Variants in CLOCK observed in about 807,000 individuals in gnomAD.
The protein encoded by CLOCK is circadian locomoter output cycles protein kaput.
CLOCK carries 43 observed loss-of-function variants against 118.4 expected under a neutral mutation model. The ratio of observed to expected loss-of-function variants is 0.36; its 90% CI spans 0.28 to 0.47. The LOEUF is 0.47. Among genes scored for constraint, CLOCK ranks in the 20% least tolerant of loss-of-function variants. CLOCK has a pLI of 1.00. For synonymous variants in CLOCK, 326 were observed against 339.2 expected (o/e 0.96, Z 0.43); for missense variants, 846 against 999.9 (o/e 0.85, Z 2.08).
intron 1 of CLOCK, among the ~76,000 whole-genome samples, chr4:55,518,028 G>C (rs1560472840): frequency 1.3e-5 from 2 of 152,100 alleles, no homozygotes; most frequent in Non-Finnish European, 2.9e-5. Context: ...TCCTGAAACT[G>C]TTGTTTCAGA....
At chr4:55,514,854 A>G (rs1446596146) in intron 1 of CLOCK, among the ~76,000 whole-genome samples, 1 of 152,140 alleles carries the variant, frequency 6.6e-6, no homozygotes, top group Non-Finnish European at 1.5e-5. Flanking sequence ...TTCTTGCAAT[A>G]TCTTTGTCTG....
At chr4:55,527,565 A>T (rs997898864) in intron 1 of CLOCK, among the ~76,000 whole-genome samples, 1 of 152,214 alleles carries the variant, frequency 6.6e-6, no homozygotes, top group Non-Finnish European at 1.5e-5. Context: ...AAAATGAGAA[A>T]ATAAAATAAA....
chr4:55,496,469 C>T (rs1728095602), intron 2 of CLOCK, among the ~76,000 whole-genome samples: 1 of 152,168 alleles, frequency 6.6e-6, no homozygotes, highest in African/African-American at 2.4e-5. Flanking sequence ...AAACTCTAGC[C>T]TTCCTTTTGA....
intron 2 of CLOCK, among the ~76,000 whole-genome samples, chr4:55,506,960 A>T (rs780798346): frequency 5.9e-5 from 9 of 152,204 alleles, no homozygotes; most frequent in Non-Finnish European, 1.2e-4. Flanking sequence ...TCTATTAAAT[A>T]GCAATATACA....
At chr4:55,456,608 T>C (rs1044232933) in intron 11 of CLOCK, among the ~76,000 whole-genome samples, 1 of 148,194 alleles carries the variant, frequency 6.7e-6, no homozygotes, top group Non-Finnish European at 1.5e-5. Flanking sequence ...GTTAAATAAA[T>C]ACATAAATAA....
At chr4:55,448,746 A>T (rs1724158948) in intron 18 of CLOCK, 33 bp downstream of exon 18, 1 of 1,544,920 alleles carries the variant, frequency 6.5e-7, no homozygotes, top group South Asian at 1.1e-5. Flanking sequence ...TATCATATTC[A>T]AATACGCAAC....
intron 3 of CLOCK, among the ~76,000 whole-genome samples, chr4:55,487,521 C>A (rs1206064739): frequency 6.6e-6 from 1 of 152,108 alleles, no homozygotes; most frequent in Non-Finnish European, 1.5e-5. Flanking sequence ...GGGTTCTTAA[C>A]CCTTCTATTT....
chr4:55,543,687 A>T (rs1731428116), intron 1 of CLOCK, among the ~76,000 whole-genome samples: 1 of 152,062 alleles, frequency 6.6e-6, no homozygotes, highest in Non-Finnish European at 1.5e-5. Flanking sequence ...CTGAGGCAGG[A>T]GAATCTCTTG....
chr4:55,429,586 T>C lies in CLOCK; in HGVS notation c.*5829A>G, dbSNP rs897159048. On this transcript the variant is annotated 3_prime_UTR_variant, in exon 23 of 23. Coordinates refer to ENST00000513440, the MANE Select transcript of CLOCK (RefSeq NM_004898.4). ...ATTATTCCGCCAAATTTAAGAACTT[T>C]AAATGGATTTTAATATGGATATGAT... 4.6e-5 allele frequency: 7 copies of C among 152,210 alleles called. No homozygotes were observed. The highest frequency in any genetic ancestry group is 3.2e-3 in the Middle Eastern group (1 of 316). The allele number at this position is 152,210 out of a possible 1,614,324, so 9.4% of individuals were successfully genotyped here. A position where few individuals can be genotyped will look rare whatever the true frequency, so the allele number is the denominator to read the frequency against.
intron 7 of CLOCK, among the ~76,000 whole-genome samples, chr4:55,471,776 G>A (rs908793431): frequency 2.6e-5 from 4 of 152,126 alleles, no homozygotes; most frequent in Non-Finnish European, 5.9e-5. Flanking sequence ...AAAGGCCAGA[G>A]AAAATGACAG....
chr4:55,543,580 G>T (rs1231213610), intron 1 of CLOCK, among the ~76,000 whole-genome samples: 1 of 152,110 alleles, frequency 6.6e-6, no homozygotes, highest in African/African-American at 2.4e-5. Flanking sequence ...TGGATGTAAA[G>T]GGGTTGTCAC....
At chr4:55,508,241 G>A (rs1351098001) in intron 2 of CLOCK, among the ~76,000 whole-genome samples, 2 of 152,068 alleles carry the variant, frequency 1.3e-5, no homozygotes, top group African/African-American at 4.8e-5. Context: ...TAAGATGTTA[G>A]GTATGTAAGG....
chr4:55,537,287 T>C (rs185370145), intron 1 of CLOCK, among the ~76,000 whole-genome samples: 14 of 152,180 alleles, frequency 9.2e-5, no homozygotes, highest in African/African-American at 2.9e-4. Context: ...AAGACCAACA[T>C]GGGCAACACA....
intron 7 of CLOCK, 108 bp downstream of exon 7, chr4:55,475,855 G>A (rs1726475158): frequency 1.4e-6 from 1 of 729,666 alleles, no homozygotes; most frequent in African/African-American, 1.7e-5. Context: ...TATTGCAGTG[G>A]TCTGGAACTC....
At position 55,434,368 on chromosome 4, in the gene CLOCK, T is replaced by G. The variant is rs1021668957; in HGVS notation, c.*1047A>C. ...GTGCCTAAGATGTTTTGTGTGCAAA[T>G]TTTACCTCTATAACTGAAACATTCT... On this transcript the variant is annotated 3_prime_UTR_variant, in exon 23 of 23. Transcript: ENST00000513440. The G allele has an allele frequency of 1.3e-5, 2 of 152,620 alleles. No homozygotes were observed. Among genetic ancestry groups the G allele is most frequent in the African/African-American group, 4.8e-5 (2 of 41,452 alleles). 9.5% of individuals were successfully genotyped at this position (152,620 alleles called of 1,614,324 possible).
intron 2 of CLOCK, among the ~76,000 whole-genome samples, chr4:55,499,361 T>C (rs1387302606): frequency 6.6e-6 from 1 of 152,170 alleles, no homozygotes; most frequent in African/African-American, 2.4e-5. Context: ...GCAATACAAT[T>C]TTTCCATGGA....
In CLOCK at chr4:55,428,930, C is replaced by A. The variant is rs1391480422; in HGVS notation, c.*6485G>T. The A allele has an allele frequency of 6.7e-5, 10 of 149,352 alleles. No homozygotes were observed. Among genetic ancestry groups the A allele is most frequent in the Admixed American group, 6.7e-4 (10 of 14,994 alleles). 9.3% of individuals were successfully genotyped at this position (149,352 alleles called of 1,614,324 possible). On this transcript the variant is annotated 3_prime_UTR_variant, in exon 23 of 23. Transcript: ENST00000513440. ...TAAACCATAGTAAAGATTTCAAAAT[C>A]ATTCCAGTATGGTCTGAATGGTAAC...
intron 22 of CLOCK, among the ~76,000 whole-genome samples, chr4:55,437,273 T>C (rs781649965): frequency 2.0e-5 from 3 of 152,108 alleles, no homozygotes; most frequent in Non-Finnish European, 4.4e-5. Context: ...AATAATCACA[T>C]CACATGTTAT....
intron 2 of CLOCK, among the ~76,000 whole-genome samples, chr4:55,508,983 A>G (rs554358404): frequency 6.6e-6 from 1 of 152,286 alleles, no homozygotes; most frequent in African/African-American, 2.4e-5. Flanking sequence ...CCTACTATAC[A>G]CCTAGACGAT....
Sources: gnomAD v4.1 joint callset for allele counts (sites outside exome capture counted in the v4.1 genomes callset) on GRCh38, gnomAD v4.1.1 for gene constraint, MANE v1.5 for transcripts, NCBI Gene and HGNC (gene_info 2026-07-23, HGNC 2026-07-21) for gene names.